The following RBM26 variants were observed in gnomAD, a reference collection of about 807,000 sequenced individuals.
RBM26 encodes RNA-binding protein 26.
RBM26 carries 30 observed loss-of-function variants against 123.6 expected under a neutral mutation model. The ratio of observed to expected loss-of-function variants is 0.24; its 90% CI spans 0.18 to 0.33. The LOEUF is 0.33. Ranked by LOEUF, RBM26 falls within the 10% of genes least tolerant of loss-of-function variation. The pLI is 1.00. For missense variants in RBM26, 947 were observed against 1,203.6 expected (o/e 0.79, Z 3.15); for synonymous variants, 400 against 404.4 (o/e 0.99, Z 0.13).
intron 18 of RBM26, among the ~76,000 whole-genome samples, chr13:79,338,942 A>T (rs548371133): frequency 6.6e-6 from 1 of 152,216 alleles, no homozygotes; most frequent in East Asian, 1.9e-4. Context: ...TGGTTTGTAT[A>T]ACTGTACAGA....
Position 79,320,461 on chromosome 13 carries a change from C to T in RBM26, c.*160G>A. 1 of 1,248,594 alleles carries T rather than the reference C, an allele frequency of 8.0e-7. No homozygotes were observed. The highest frequency in any genetic ancestry group is 1.0e-6 in the Non-Finnish European group (1 of 992,186). The allele number at this position is 1,248,594 out of a possible 1,614,324, so 77.3% of individuals were successfully genotyped here. A position where few individuals can be genotyped will look rare whatever the true frequency, so the allele number is the denominator to read the frequency against. On this transcript the variant is annotated 3_prime_UTR_variant, in exon 22 of 22. Transcript: ENST00000438737. ...ATGCAAACATCAATCTTTCAAAATA[C>T]AAGATCAGAAGGTAGTTTTCTTCTT...
intron 2 of RBM26, among the ~76,000 whole-genome samples, chr13:79,377,863 G>A (rs771675087): frequency 7.2e-5 from 11 of 152,162 alleles, no homozygotes; most frequent in South Asian, 2.1e-4. Flanking sequence ...AGCCGAGATC[G>A]CGCCACTGCA....
intron 16 of RBM26, 52 bp from the exon 17 acceptor site, chr13:79,342,883 T>C (rs1384532854): frequency 1.7e-6 from 2 of 1,163,724 alleles, no homozygotes; most frequent in Non-Finnish European, 1.2e-6. Flanking sequence ...CTATTATCAT[T>C]AACAAAACAA....
intron 20 of RBM26, among the ~76,000 whole-genome samples, chr13:79,323,734 A>T (rs1000141816): frequency 7.2e-5 from 11 of 151,744 alleles, no homozygotes; most frequent in African/African-American, 2.7e-4. Context: ...TTCAGCACAC[A>T]GCTCCTCAAA....
chr13:79,405,978 TCC>T lies in RBM26; in HGVS notation c.-206_-205del. Reference sequence around the variant, plus strand: ...CACAAGTGCACGGGGTGCCAGGAGCTCCCCGTCCCCGGCCCCCAGCCCGGGCT... The same window carrying T: ...CACAAGTGCACGGGGTGCCAGGAGCTCCGTCCCCGGCCCCCAGCCCGGGCT... On this transcript the variant is annotated 5_prime_UTR_variant, in exon 1 of 22. Coordinates refer to ENST00000438737, the MANE Select transcript of RBM26 (RefSeq NM_001366735.2). The T allele has an allele frequency of 3.1e-6, 1 of 319,318 alleles. No homozygotes were observed. Among genetic ancestry groups the T allele is most frequent in the East Asian group, 5.1e-5 (1 of 19,750 alleles). The allele number at this position is 319,318 out of a possible 1,614,324, so 19.8% of individuals were successfully genotyped here.
At chr13:79,343,012 C>CTT (rs10650844) in intron 16 of RBM26, among the ~76,000 whole-genome samples, 181 bp from the exon 17 acceptor site, 151,873 of 151,874 alleles carry the variant, frequency 1, 75,936 homozygotes, top group Middle Eastern at 1. Flanking sequence ...GTGATGCTAA[C>CTT]TATCTCAACT....
At chr13:79,392,793 CA>C (rs58872719) in intron 1 of RBM26, among the ~76,000 whole-genome samples, 163 of 139,986 alleles carry the variant, frequency 1.2e-3, no homozygotes, top group Admixed American at 1.3e-3. Context: ...TTGAGAAGAC[CA>C]AAAAAAAAAA....
At chr13:79,318,246 C>T (rs1050857179), downstream of RBM26, among the ~76,000 whole-genome samples, 9 of 133,946 alleles carry the variant, frequency 6.7e-5, no homozygotes, top group South Asian at 8.1e-4. Context: ...GCAGCATCAA[C>T]GTAGAGTTAA....
At chr13:79,404,452 G>A (rs550424748) in intron 1 of RBM26, among the ~76,000 whole-genome samples, 1 of 152,330 alleles carries the variant, frequency 6.6e-6, no homozygotes, top group South Asian at 2.1e-4. Context: ...AATAGGCAGA[G>A]TTAAAACAAA....
intron 1 of RBM26, among the ~76,000 whole-genome samples, chr13:79,379,222 A>G (rs2076880662): frequency 6.6e-6 from 1 of 152,020 alleles, no homozygotes; most frequent in Non-Finnish European, 1.5e-5. Context: ...CCAACTAAGA[A>G]GAGATAAATT....
chr13:79,372,785 TG>T (rs1342917162), intron 3 of RBM26, among the ~76,000 whole-genome samples: 109 of 3,230 alleles, frequency 0.034, no homozygotes, highest in Non-Finnish European at 0.2. Context: ...TATAATTATA[TG>T]ATATATATTA....
chr13:79,369,941 A>C (rs1242159730), intron 5 of RBM26, among the ~76,000 whole-genome samples: 1 of 152,162 alleles, frequency 6.6e-6, no homozygotes, highest in African/African-American at 2.4e-5. Flanking sequence ...TGTAATCTGT[A>C]ATCTATCATC....
At chr13:79,373,635 ATATT>A (rs1460151780) in intron 3 of RBM26, among the ~76,000 whole-genome samples, 5 of 87,460 alleles carry the variant, frequency 5.7e-5, no homozygotes, top group South Asian at 6.5e-4. Flanking sequence ...ATTACTATAT[ATATT>A]TATATAGTCT....
At chr13:79,328,683 TAAAAA>T (rs747906560) in intron 20 of RBM26, among the ~76,000 whole-genome samples, 19 of 38,480 alleles carry the variant, frequency 4.9e-4, no homozygotes, top group Non-Finnish European at 8.8e-4. Flanking sequence ...CTGCATTAAG[TAAAAA>T]AAAAAAAAAA....
At chr13:79,350,806 T>C (rs1337499183) in intron 14 of RBM26, among the ~76,000 whole-genome samples, 2 of 152,116 alleles carry the variant, frequency 1.3e-5, no homozygotes, top group African/African-American at 2.4e-5. Context: ...TAAGACTTCT[T>C]TGAATCACTG....
At chr13:79,378,187 G>T (rs1042430483) in intron 2 of RBM26, among the ~76,000 whole-genome samples, 1 of 152,170 alleles carries the variant, frequency 6.6e-6, no homozygotes, top group African/African-American at 2.4e-5. Context: ...AATGCGCTAG[G>T]TAAGATTCAA....
chr13:79,387,545 G>T, intron 1 of RBM26, among the ~76,000 whole-genome samples: 1 of 139,994 alleles, frequency 7.1e-6, no homozygotes. Flanking sequence ...ATTTCTCTAG[G>T]CTTTAGTTTA....
At chr13:79,343,627 C>A (rs1192955332) in intron 16 of RBM26, among the ~76,000 whole-genome samples, 3 of 151,700 alleles carry the variant, frequency 2.0e-5, no homozygotes, top group Admixed American at 6.6e-5. Flanking sequence ...AAAGAAAGAA[C>A]CCAAGTCACA....
intron 1 of RBM26, among the ~76,000 whole-genome samples, chr13:79,395,870 G>A (rs1272939743): frequency 6.6e-6 from 1 of 151,860 alleles, no homozygotes; most frequent in Non-Finnish European, 1.5e-5. Flanking sequence ...TAACATACAA[G>A]GAACTAAATA....
Sources: allele counts gnomAD v4.1 joint callset (sites outside exome capture counted in the v4.1 genomes callset), GRCh38; gene constraint gnomAD v4.1.1; transcripts MANE v1.5; gene names NCBI Gene and HGNC (gene_info 2026-07-23, HGNC 2026-07-21).